Variants in RBFOX1 observed in about 807,000 individuals in gnomAD.
RBFOX1 encodes RNA binding protein fox-1 homolog 1.
RBFOX1 carries 8 observed loss-of-function variants against 57.7 expected under a neutral mutation model. The observed-to-expected ratio is 0.14, with a 90% confidence interval of 0.08 to 0.25. The LOEUF (loss-of-function observed/expected upper bound fraction) is 0.25. Ranked by LOEUF, RBFOX1 falls within the 10% of genes least tolerant of loss-of-function variation. The pLI, the probability that RBFOX1 is intolerant of heterozygous loss-of-function variation, is 1.00. For missense variants in RBFOX1, 611 were observed against 548.5 expected (o/e 1.11, Z -1.14); for synonymous variants, 326 against 222.4 (o/e 1.47, Z -4.15).
chr16:7,214,029 C>A (rs1366657601), intron 4 of RBFOX1, among the ~76,000 whole-genome samples: 1 of 151,966 alleles, frequency 6.6e-6, no homozygotes, highest in South Asian at 2.1e-4. Flanking sequence ...GACCTCTCCC[C>A]TTTGCCTAGA....
chr16:6,013,102 G>A lies in RBFOX1; in HGVS notation c.351+145767G>A, dbSNP rs2094971516. Among the ~76,000 whole-genome samples the A allele has an allele frequency of 2.6e-5, 4 of 152,282 alleles. No homozygotes were observed. In the South Asian group the frequency reaches 8.3e-4, roughly 32 times the overall value. Reference sequence around the variant, plus strand: ...GTCCCCATTTTATGTACAGGGAAGTGAATAGTGATGTTTTTTAAAAATCTT... The same window carrying A: ...GTCCCCATTTTATGTACAGGGAAGTAAATAGTGATGTTTTTTAAAAATCTT... On this transcript the variant is annotated intron_variant, in intron 4 of 19. Coordinates refer to the RBFOX1 transcript ENST00000641259.
At chr16:6,569,020 A>G (rs1320993878) in intron 2 of RBFOX1, among the ~76,000 whole-genome samples, 1 of 152,098 alleles carries the variant, frequency 6.6e-6, no homozygotes, top group Non-Finnish European at 1.5e-5. Flanking sequence ...TGATCTGCCT[A>G]CCTCAGCCTC....
At position 5,947,307 on chromosome 16, in the gene RBFOX1, C is replaced by T. The variant is rs2059419838; in HGVS notation, c.351+79972C>T. Among the ~76,000 whole-genome samples the T allele has an allele frequency of 6.6e-6, 1 of 152,164 alleles. No individual in the cohort carries two copies. Among genetic ancestry groups the T allele is most frequent in the South Asian group, 2.1e-4 (1 of 4,830 alleles). ...CCAAGCTGAGGTCAGAGGGGGAGGT[C>T]AGATCGCCATCGAATGGACACCTCT... On this transcript the variant is annotated intron_variant, in intron 4 of 19. Coordinates refer to the RBFOX1 transcript ENST00000641259. This position sits in a 1 kb window ranked among gnomAD's most constrained non-coding sequence, Gnocchi z 7.2.
chr16:7,498,186 A>G (rs924868837), intron 4 of RBFOX1, among the ~76,000 whole-genome samples: 4 of 152,178 alleles, frequency 2.6e-5, no homozygotes, highest in Admixed American at 2.6e-4. Context: ...ATGGAGATCA[A>G]GCTTCCCTGT....
At chr16:6,374,726 A>C (rs531718018) in intron 2 of RBFOX1, among the ~76,000 whole-genome samples, 1 of 152,350 alleles carries the variant, frequency 6.6e-6, no homozygotes, top group Non-Finnish European at 1.5e-5. Flanking sequence ...TGTTATTGCC[A>C]CTGGCTGGTA....
chr16:6,681,751 G>C (rs1053106257), intron 3 of RBFOX1, among the ~76,000 whole-genome samples: 1 of 151,158 alleles, frequency 6.6e-6, no homozygotes, highest in Non-Finnish European at 1.5e-5. Context: ...ATAATTAATA[G>C]ACATAACCAC....
At chr16:6,871,403 C>G (rs1343658250) in intron 3 of RBFOX1, among the ~76,000 whole-genome samples, 2 of 152,108 alleles carry the variant, frequency 1.3e-5, no homozygotes, top group African/African-American at 4.8e-5. Flanking sequence ...CCAGGCTGGT[C>G]TCAAACTCCT....
At chr16:7,071,733 CT>C (rs1195456739) in intron 4 of RBFOX1, among the ~76,000 whole-genome samples, 2 of 152,028 alleles carry the variant, frequency 1.3e-5, no homozygotes, top group East Asian at 1.9e-4. Context: ...CAAAAAGTTA[CT>C]GTTTATTTTA....
chr16:7,230,824 CCTGCAGAGCTGATA>C (rs1317535305), intron 4 of RBFOX1, among the ~76,000 whole-genome samples: 1 of 152,124 alleles, frequency 6.6e-6, no homozygotes, highest in Non-Finnish European at 1.5e-5. Flanking sequence ...TTGTTTTTAC[CCTGCAGAGCTGATA>C]CTGCAGAGGG....
At chr16:7,044,295 G>C (rs188703706) in intron 3 of RBFOX1, among the ~76,000 whole-genome samples, 1 of 152,302 alleles carries the variant, frequency 6.6e-6, no homozygotes, top group East Asian at 1.9e-4. Context: ...CTAAGGCTCA[G>C]TTCTAGTTCT....
At chr16:7,463,559 A>G (rs115346644) in intron 4 of RBFOX1, among the ~76,000 whole-genome samples, 2,068 of 152,266 alleles carry the variant, frequency 0.014, 48 homozygotes, top group African/African-American at 0.048. Context: ...CTTATGATGT[A>G]ATCACCTCCT....
chr16:7,691,855 C>A (rs575784233), intron 14 of RBFOX1, among the ~76,000 whole-genome samples: 1 of 152,130 alleles, frequency 6.6e-6, no homozygotes, highest in Non-Finnish European at 1.5e-5. Context: ...AAAGACCTTG[C>A]CGCTTTGGAT....
At chr16:6,858,513 C>T (rs140424721) in intron 3 of RBFOX1, among the ~76,000 whole-genome samples, 66 of 152,258 alleles carry the variant, frequency 4.3e-4, no homozygotes, top group African/African-American at 1.5e-3. Context: ...CTTGAAGCTG[C>T]TTTTGTATCA....
intron 1 of RBFOX1, among the ~76,000 whole-genome samples, chr16:6,157,034 C>G (rs1459932476): frequency 6.6e-6 from 1 of 151,878 alleles, no homozygotes; most frequent in African/African-American, 2.4e-5. Context: ...TGGGGTCTTG[C>G]TATGTTGCCT....
At chr16:5,533,981 G>A (rs1483257006) in intron 2 of RBFOX1, among the ~76,000 whole-genome samples, 1 of 152,156 alleles carries the variant, frequency 6.6e-6, no homozygotes, top group African/African-American at 2.4e-5. Flanking sequence ...CACATTCGGA[G>A]GCTATGTTGC....
chr16:5,767,699 C>T (rs2053836743), intron 3 of RBFOX1, among the ~76,000 whole-genome samples: 1 of 152,094 alleles, frequency 6.6e-6, no homozygotes, highest in Admixed American at 6.6e-5. Flanking sequence ...CCTGAAAAGG[C>T]ATAAATGAAG....
At chr16:7,681,952 G>T (rs549990276) in intron 14 of RBFOX1, among the ~76,000 whole-genome samples, 2 of 152,046 alleles carry the variant, frequency 1.3e-5, no homozygotes, top group South Asian at 4.1e-4. Context: ...TCTTATTCTA[G>T]TGCCGTATTG....
intron 3 of RBFOX1, among the ~76,000 whole-genome samples, chr16:7,015,696 C>T (rs1174027903): frequency 6.6e-6 from 1 of 152,014 alleles, no homozygotes. Context: ...GACTAGCGGT[C>T]TAGTTATTCA....
At chr16:5,640,401 T>C (rs545492407) in intron 3 of RBFOX1, among the ~76,000 whole-genome samples, 1 of 152,108 alleles carries the variant, frequency 6.6e-6, no homozygotes, top group African/African-American at 2.4e-5. Context: ...TGCATGCACA[T>C]ATACACATGC....
Sources: allele counts gnomAD v4.1 joint callset (sites outside exome capture counted in the v4.1 genomes callset), GRCh38; gene constraint gnomAD v4.1.1; non-coding constraint Gnocchi (gnomAD v3.1); transcripts MANE v1.5; gene names NCBI Gene and HGNC (gene_info 2026-07-23, HGNC 2026-07-21).